The following RIMS2 variants were observed in gnomAD, a reference collection of about 807,000 sequenced individuals.
RIMS2 encodes regulating synaptic membrane exocytosis 2, also known as regulating synaptic membrane exocytosis protein 2.
RIMS2 carries 59 observed loss-of-function variants against 174.4 expected under a neutral mutation model. The observed-to-expected ratio is 0.34, with a 90% CI of 0.27 to 0.42. The LOEUF (loss-of-function observed/expected upper bound fraction) is 0.42. Ranked by LOEUF, RIMS2 falls within the 10% of genes least tolerant of loss-of-function variation. The pLI is 1.00. For synonymous variants in RIMS2, 606 were observed against 572.5 expected (o/e 1.06, Z -0.84); for missense variants, 1,620 against 1,666.3 (o/e 0.97, Z 0.48).
intron 2 of RIMS2, among the ~76,000 whole-genome samples, chr8:103,713,296 G>C (rs1293048759): frequency 2.0e-5 from 3 of 152,156 alleles, no homozygotes; most frequent in Non-Finnish European, 2.9e-5. Flanking sequence ...TGGGTTTACA[G>C]GCATGAGCCA....
chr8:103,955,746 G>A (rs965989346), intron 14 of RIMS2, among the ~76,000 whole-genome samples: 3 of 152,120 alleles, frequency 2.0e-5, no homozygotes, highest in African/African-American at 7.2e-5. Flanking sequence ...GGAAGTTCTG[G>A]CCAGGGCAAT....
intron 3 of RIMS2, among the ~76,000 whole-genome samples, chr8:103,807,874 C>T (rs1237561959): frequency 6.6e-6 from 1 of 152,048 alleles, no homozygotes; most frequent in Admixed American, 6.6e-5. Context: ...TCCATATTTA[C>T]AGGTCAGACA....
At chr8:104,185,340 G>T (rs1393712282) in intron 19 of RIMS2, among the ~76,000 whole-genome samples, 1 of 151,492 alleles carries the variant, frequency 6.6e-6, no homozygotes, top group Non-Finnish European at 1.5e-5. Context: ...TTTCAAAGCT[G>T]TCAAATAATG....
intron 19 of RIMS2, 102 bp downstream of exon 24, chr8:104,093,745 A>G (rs895280098): frequency 2.2e-6 from 2 of 903,102 alleles, no homozygotes; most frequent in African/African-American, 1.7e-5. Context: ...GTTAATATAT[A>G]TTTTAAAGCC....
intron 15 of RIMS2, among the ~76,000 whole-genome samples, chr8:103,962,710 A>G (rs2090533700): frequency 6.6e-6 from 1 of 152,048 alleles, no homozygotes; most frequent in South Asian, 2.1e-4. Flanking sequence ...TGCATCCTCA[A>G]CTTCCCCAGG....
chr8:103,541,812 G>C (rs944082196), intron 1 of RIMS2, among the ~76,000 whole-genome samples: 1 of 152,120 alleles, frequency 6.6e-6, no homozygotes, highest in Admixed American at 6.6e-5. Flanking sequence ...TTGGGGAGGG[G>C]TGTAGTAAAA....
Position 104,022,581 on chromosome 8 carries a change from A to G in RIMS2, c.3334+7966A>G, listed in dbSNP as rs572603560. Among the ~76,000 whole-genome samples the G allele has an allele frequency of 7.9e-5, 12 of 151,842 alleles. No individual in the cohort carries two copies. The South Asian group carries it at 1.7e-3, about 21-fold the overall frequency. Reference sequence around the variant, plus strand: ...ATTTCTAGTAAAGACGGGTTTCACTACCTTGGCCAGGCTGGTCTCAAACTC... The same window carrying G: ...ATTTCTAGTAAAGACGGGTTTCACTGCCTTGGCCAGGCTGGTCTCAAACTC... On this transcript the variant is annotated intron_variant, in intron 19 of 23. Coordinates refer to ENST00000504942, the Ensembl canonical transcript of RIMS2.
chr8:104,211,246 C>T (rs1345344072), intron 19 of RIMS2, among the ~76,000 whole-genome samples: 1 of 151,772 alleles, frequency 6.6e-6, no homozygotes, highest in Non-Finnish European at 1.5e-5. Flanking sequence ...ATATACCTTG[C>T]AATAATATTT....
rs183194681 is a variant in RIMS2, at chr8:103,558,645, G to A, written c.176+57583G>A. ...GGGATAAGATAGTTTTTTTTTTGTC[G>A]TTGGTTTTGCTTTTTTTAAACAGGA... On this transcript the variant is annotated intron_variant, in intron 1 of 23. Coordinates refer to ENST00000504942, the Ensembl canonical transcript of RIMS2. Among the ~76,000 whole-genome samples the A allele has an allele frequency of 6.9e-4, 105 of 151,622 alleles. 1 individual carries two copies. The highest frequency in any genetic ancestry group is 6.2e-3 in the Admixed American group (94 of 15,222).
At chr8:104,075,834 A>G (rs981901268) in intron 19 of RIMS2, among the ~76,000 whole-genome samples, 1 of 152,134 alleles carries the variant, frequency 6.6e-6, no homozygotes, top group Non-Finnish European at 1.5e-5. Context: ...TTAGTACTCA[A>G]TGATACTGCC....
At chr8:104,122,186 GAAGT>G (rs753686857) in intron 19 of RIMS2, among the ~76,000 whole-genome samples, 1 of 152,074 alleles carries the variant, frequency 6.6e-6, no homozygotes, top group East Asian at 1.9e-4. Flanking sequence ...TTAAATCCCA[GAAGT>G]AAGTGGAGAT....
chr8:104,182,204 C>T (rs1054425110), intron 19 of RIMS2, among the ~76,000 whole-genome samples: 4 of 151,648 alleles, frequency 2.6e-5, no homozygotes, highest in African/African-American at 7.3e-5. Flanking sequence ...TTTTATACAA[C>T]GGGTTCTGTG....
intron 1 of RIMS2, among the ~76,000 whole-genome samples, chr8:103,589,344 T>G (rs975280406): frequency 6.0e-5 from 9 of 149,962 alleles, no homozygotes; most frequent in African/African-American, 2.2e-4. Flanking sequence ...TATATCATGA[T>G]AATCAGAGAA....
At chr8:103,710,710 A>C (rs1392002930) in intron 2 of RIMS2, among the ~76,000 whole-genome samples, 1 of 152,136 alleles carries the variant, frequency 6.6e-6, no homozygotes, top group Non-Finnish European at 1.5e-5. Flanking sequence ...AATAATGTAC[A>C]TTTCCACAGT....
At chr8:104,066,769 A>T (rs2154561081) in intron 19 of RIMS2, among the ~76,000 whole-genome samples, 1 of 152,284 alleles carries the variant, frequency 6.6e-6, no homozygotes, top group Admixed American at 6.5e-5. Context: ...CATTATTAAC[A>T]TGTGACTATT....
intron 1 of RIMS2, among the ~76,000 whole-genome samples, chr8:103,618,877 C>G (rs1277038864): frequency 6.6e-6 from 1 of 152,034 alleles, no homozygotes; most frequent in African/African-American, 2.4e-5. Flanking sequence ...CTCGTGGTTG[C>G]TAAGCTTGAG....
At chr8:104,094,972 G>A (rs918804916) in intron 19 of RIMS2, among the ~76,000 whole-genome samples, 2 of 152,030 alleles carry the variant, frequency 1.3e-5, no homozygotes, top group Non-Finnish European at 2.9e-5. Context: ...GTTATGAGTA[G>A]CTGAATCCAA....
intron 1 of RIMS2, among the ~76,000 whole-genome samples, chr8:103,578,748 TC>T (rs2093418013): frequency 6.6e-6 from 1 of 150,864 alleles, no homozygotes; most frequent in South Asian, 2.1e-4. Flanking sequence ...AATCCTGTAA[TC>T]CCAGCACTTT....
At chr8:104,201,625 A>T (rs1204475814) in intron 19 of RIMS2, among the ~76,000 whole-genome samples, 2 of 152,190 alleles carry the variant, frequency 1.3e-5, no homozygotes, top group African/African-American at 4.8e-5. Context: ...TTAAAAAATT[A>T]TCCAGGCTTC....
Sources: allele counts gnomAD v4.1 joint callset (sites outside exome capture counted in the v4.1 genomes callset), GRCh38; gene constraint gnomAD v4.1.1; transcripts MANE v1.5; gene names NCBI Gene and HGNC (gene_info 2026-07-23, HGNC 2026-07-21).